The following SMAD2 variants were observed in gnomAD, a reference collection of about 807,000 sequenced individuals.
SMAD2 encodes the protein MAD homolog 2.
SMAD2 carries 8 observed loss-of-function variants against 64.4 expected under a neutral mutation model. That is an observed-to-expected ratio of 0.12 (90% CI 0.07 to 0.22). The LOEUF (loss-of-function observed/expected upper bound fraction) is 0.22, where lower values mean the gene tolerates loss of function less well. Ranked by LOEUF, SMAD2 falls within the 10% of genes least tolerant of loss-of-function variation. The probability of loss-of-function intolerance (pLI) is 1.00; values close to 1 mark genes in which losing one functional copy is unlikely to be tolerated. For synonymous variants in SMAD2, 203 were observed against 195.8 expected, an observed-to-expected ratio of 1.04 and a Z score of -0.31; for missense variants, 289 against 561.2, an observed-to-expected ratio of 0.51 and a Z score of 4.90.
chr18:47,920,975 C>A (rs372529640), intron 1 of SMAD2, among the ~76,000 whole-genome samples: 2 of 152,074 alleles, frequency 1.3e-5, no homozygotes, highest in African/African-American at 2.4e-5. Flanking sequence ...GGCAACATGG[C>A]GAAACCCCAC....
At chr18:47,857,341 T>C (rs1384203855) in intron 6 of SMAD2, among the ~76,000 whole-genome samples, 1 of 152,158 alleles carries the variant, frequency 6.6e-6, no homozygotes, top group Non-Finnish European at 1.5e-5. Flanking sequence ...ATTTCTTGTT[T>C]TAAAAAACTT....
In SMAD2 at chr18:47,810,725, A is replaced by C. The variant is rs1007638699; in HGVS notation, c.*31102T>G. 7 of 151,912 alleles carry C rather than the reference A, an allele frequency of 4.6e-5. No homozygotes were observed. Among genetic ancestry groups the C allele is most frequent in the Non-Finnish European group, 8.8e-5 (6 of 67,968 alleles). The allele number at this position is 151,912 out of a possible 1,614,324, so 9.4% of individuals were successfully genotyped here. A position where few individuals can be genotyped will look rare whatever the true frequency, so the allele number is the denominator to read the frequency against. On this transcript the variant is annotated 3_prime_UTR_variant, in exon 11 of 11. Coordinates refer to ENST00000262160, the MANE Select transcript of SMAD2 (RefSeq NM_005901.6). ...TGAGGTGGGAGGATCACTTGGGCCC[A>C]GGAGTTTAAGACCAGGCTGGGCAAC...
intron 6 of SMAD2, 135 bp downstream of exon 6, chr18:47,864,924 T>A: frequency 1.5e-6 from 1 of 667,562 alleles, no homozygotes; most frequent in Non-Finnish European, 2.7e-6. Context: ...ATATGTTAAA[T>A]CAAGATAGAA....
chr18:47,906,131 A>G (rs1320495224), intron 1 of SMAD2, among the ~76,000 whole-genome samples: 1 of 151,930 alleles, frequency 6.6e-6, no homozygotes, highest in Non-Finnish European at 1.5e-5. Context: ...AAAAAAAAAG[A>G]AATAGAAAAA....
intron 6 of SMAD2, among the ~76,000 whole-genome samples, chr18:47,859,162 T>A (rs1173324719): frequency 6.6e-6 from 1 of 152,104 alleles, no homozygotes; most frequent in Non-Finnish European, 1.5e-5. Flanking sequence ...CAAATGTGTA[T>A]CATCTAATAA....
rs1258825878 is a variant in SMAD2, at chr18:47,817,052, C to G, written c.*24775G>C. 1 of 152,208 alleles carries G rather than the reference C, an allele frequency of 6.6e-6. No individual in the cohort carries two copies. Among genetic ancestry groups the G allele is most frequent in the South Asian group, 2.1e-4 (1 of 4,822 alleles). The allele number at this position is 152,208 out of a possible 1,614,324, so 9.4% of individuals were successfully genotyped here. On this transcript the variant is annotated 3_prime_UTR_variant, in exon 11 of 11. Transcript: ENST00000262160. The stretch of plus-strand genomic sequence containing the variant: ...CTGGGATTACAGGCATAAGCCACCG[C>G]GCACGGCCCATGACATGCGTATTTC...
rs1216562617 is a variant in SMAD2 at position 47,836,623 on chromosome 18, AT to A, written c.*5203del. 12 of 213,788 alleles carry A rather than the reference AT, an allele frequency of 5.6e-5. No individual in the cohort carries two copies. The highest frequency in any genetic ancestry group is 9.4e-5 in the Non-Finnish European group (10 of 105,902). The allele number at this position is 213,788 out of a possible 1,614,324, so 13.2% of individuals were successfully genotyped here. ...TCTATGAGTGTATATGTATATATAAATTCATACACATATATTATTTATTTCC... is the reference window on the plus strand; with the variant it reads ...TCTATGAGTGTATATGTATATATAAATCATACACATATATTATTTATTTCC... On this transcript the variant is annotated 3_prime_UTR_variant, in exon 11 of 11. Transcript: ENST00000262160.
chr18:47,855,145 A>G (rs779813006), intron 6 of SMAD2, among the ~76,000 whole-genome samples: 1 of 152,200 alleles, frequency 6.6e-6, no homozygotes, highest in Non-Finnish European at 1.5e-5. Context: ...AAGCAAAATA[A>G]TTGTACAACA....
rs1165578738 is a variant in SMAD2 at position 47,824,345 on chromosome 18, GA to G, written c.*17481del. 6.6e-6 allele frequency: 1 copy of G among 152,190 alleles called. No homozygotes were observed. Among genetic ancestry groups the G allele is most frequent in the African/African-American group, 2.4e-5 (1 of 41,450 alleles). 9.4% of individuals were successfully genotyped at this position (152,190 alleles called of 1,614,324 possible). A position where few individuals can be genotyped will look rare whatever the true frequency, so the allele number is the denominator to read the frequency against. ...CAAACACTATTCGCAACCTTACACA[GA>G]AAATACTTTTGGGACATCTGCCTAG... On this transcript the variant is annotated 3_prime_UTR_variant, in exon 11 of 11. Transcript: ENST00000262160.
chr18:47,845,067 G>C, intron 10 of SMAD2: 1 of 594,024 alleles, frequency 1.7e-6, no homozygotes, highest in Admixed American at 3.1e-5. Flanking sequence ...TCCATAAACT[G>C]ACATAACCCT....
At chr18:47,896,372 A>C in intron 2 of SMAD2, 149 bp downstream of exon 2, 1 of 750,928 alleles carries the variant, frequency 1.3e-6, no homozygotes, top group Non-Finnish European at 2.2e-6. Flanking sequence ...AAAACAAGTC[A>C]GCTAGCAAAA....
At chr18:47,895,991 T>G (rs1459217761) in intron 2 of SMAD2, among the ~76,000 whole-genome samples, 1 of 152,238 alleles carries the variant, frequency 6.6e-6, no homozygotes, top group Non-Finnish European at 1.5e-5. Context: ...AACTTCAGAC[T>G]TTTAAAGTAA....
At chr18:47,849,603 T>C (rs191553047) in intron 7 of SMAD2, among the ~76,000 whole-genome samples, 4 of 152,244 alleles carry the variant, frequency 2.6e-5, no homozygotes, top group Admixed American at 2.6e-4. Context: ...TAAAAGGGTG[T>C]AGTATTTCCA....
Position 47,822,533 on chromosome 18 carries a change from C to G in SMAD2, c.*19294G>C, listed in dbSNP as rs182922952. On this transcript the variant is annotated 3_prime_UTR_variant, in exon 11 of 11. Coordinates refer to ENST00000262160, the MANE Select transcript of SMAD2 (RefSeq NM_005901.6). ...TATTTGAAGCATTATTGTTTTTTTA[C>G]TTAAATGTTTTGTTTTCCATATTTA... The G allele has an allele frequency of 5.9e-5, 9 of 152,276 alleles. No homozygotes were observed. The East Asian group carries it at 1.7e-3, about 29-fold the overall frequency. The allele number at this position is 152,276 out of a possible 1,614,324, so 9.4% of individuals were successfully genotyped here. A position where few individuals can be genotyped will look rare whatever the true frequency, so the allele number is the denominator to read the frequency against.
intron 4 of SMAD2, among the ~76,000 whole-genome samples, chr18:47,868,744 A>G (rs748566175): frequency 6.6e-6 from 1 of 152,166 alleles, no homozygotes; most frequent in Non-Finnish European, 1.5e-5. Flanking sequence ...CCATTGGAAA[A>G]CTTAACATTG....
chr18:47,856,422 A>AT (rs1368699499), intron 6 of SMAD2, among the ~76,000 whole-genome samples: 3 of 152,244 alleles, frequency 2.0e-5, no homozygotes, highest in African/African-American at 7.2e-5. Context: ...CATACACCAA[A>AT]TATCATGTTA....
intron 8 of SMAD2, among the ~76,000 whole-genome samples, chr18:47,846,337 C>T (rs760841556): frequency 6.6e-6 from 1 of 151,918 alleles, no homozygotes; most frequent in Admixed American, 6.6e-5. Flanking sequence ...CTTTCAGAAT[C>T]TGAGAGATCA....
At chr18:47,868,925 G>A (rs1336119083) in intron 4 of SMAD2, among the ~76,000 whole-genome samples, 1 of 152,162 alleles carries the variant, frequency 6.6e-6, no homozygotes, top group East Asian at 1.9e-4. Context: ...CACTCCAAGT[G>A]CAAAATGCTT....
rs1646615872 is a variant in SMAD2 at position 47,845,877 on chromosome 18, A to G, written c.998-77T>C. 7 of 1,313,638 alleles carry G rather than the reference A, an allele frequency of 5.3e-6. No individual in the cohort carries two copies. The Admixed American group carries it at 6.7e-5, about 13-fold the overall frequency. 81.4% of individuals were successfully genotyped at this position (1,313,638 alleles called of 1,614,324 possible). On this transcript the variant is annotated intron_variant, in intron 8 of 10. Coordinates refer to ENST00000262160, the MANE Select transcript of SMAD2 (RefSeq NM_005901.6). ...TGACTTTGGAAGCATTTTCTTGGAA[A>G]AATTCTAAAATGATATAAGGTATTT...
Sources: allele counts gnomAD v4.1 joint callset (sites outside exome capture counted in the v4.1 genomes callset), GRCh38; gene constraint gnomAD v4.1.1; transcripts MANE v1.5; gene names NCBI Gene and HGNC (gene_info 2026-07-23, HGNC 2026-07-21).